CACNA1C: variants seen among roughly 807,000 people sequenced by gnomAD.
CACNA1C encodes the protein voltage-dependent L-type calcium channel subunit alpha-1C.
Under a neutral mutation model 229.0 loss-of-function variants are expected in CACNA1C, and 30 were observed. The observed-to-expected ratio is 0.13, with a 90% CI of 0.10 to 0.18. The LOEUF (loss-of-function observed/expected upper bound fraction) is 0.18. Ranked by LOEUF, CACNA1C falls within the 10% of genes least tolerant of loss-of-function variation. CACNA1C has a pLI of 1.00. For synonymous variants in CACNA1C, 1,114 were observed against 1,132.5 expected (o/e 0.98, Z 0.33); for missense variants, 1,658 against 2,845.0 (o/e 0.58, Z 9.49).
intron 29 of CACNA1C, among the ~76,000 whole-genome samples, chr12:2,624,207 T>G (rs2084981406): frequency 6.6e-6 from 1 of 152,240 alleles, no homozygotes; most frequent in Admixed American, 6.5e-5. Context: ...AACACAGTTC[T>G]GGAAATCTGT....
At chr12:2,682,513 C>A in intron 42 of CACNA1C, 37 bp from the exon 43 acceptor site, 3 of 1,602,956 alleles carry the variant, frequency 1.9e-6, no homozygotes, top group Non-Finnish European at 2.6e-6. Flanking sequence ...GGAAGGTTGG[C>A]AGTTTCTGAT....
chr12:2,301,591 A>C (rs958498331), intron 3 of CACNA1C, among the ~76,000 whole-genome samples: 4 of 152,234 alleles, frequency 2.6e-5, no homozygotes, highest in African/African-American at 9.6e-5. Flanking sequence ...GTCCTGCAGA[A>C]GAAGTCCTCT....
chr12:2,505,237 C>G (rs1405727035), intron 8 of CACNA1C, among the ~76,000 whole-genome samples: 4 of 151,986 alleles, frequency 2.6e-5, no homozygotes, highest in African/African-American at 9.7e-5. Context: ...CTTGTGCCTT[C>G]GTGGCCTCTG....
intron 3 of CACNA1C, among the ~76,000 whole-genome samples, chr12:2,421,453 G>A (rs1273847328): frequency 6.6e-6 from 1 of 152,166 alleles, no homozygotes; most frequent in Non-Finnish European, 1.5e-5. Flanking sequence ...GATTCACCAT[G>A]GGAAAGAGAG....
At chr12:2,151,412 G>T (rs1427420680) in intron 3 of CACNA1C, among the ~76,000 whole-genome samples, 3 of 151,738 alleles carry the variant, frequency 2.0e-5, no homozygotes, top group African/African-American at 7.3e-5. Context: ...GTCTGACTGA[G>T]GAGCCATTTT....
rs955863245 is a variant in CACNA1C at position 2,575,542 on chromosome 12, A to G, written c.1896-6048A>G. ...GCCAATTCTCACTCCTCTTCACTCC[A>G]TTGCCTCCCATGAAGCCCCAGCCAC... On this transcript the variant is annotated intron_variant, in intron 13 of 46. Transcript: ENST00000399655. This position sits in a 1 kb window ranked among gnomAD's most constrained non-coding sequence, Gnocchi z 4.0. 1.3e-4 allele frequency among the ~76,000 whole-genome samples: 19 copies of G among 151,988 alleles called. No individual in the cohort carries two copies. Among genetic ancestry groups the G allele is most frequent in the Non-Finnish European group, 1.8e-4 (12 of 68,016 alleles).
rs1231997837 is a variant in CACNA1C at position 2,409,102 on chromosome 12, A to G, written c.478-39874A>G. Among the ~76,000 whole-genome samples, 3 of 151,860 alleles carry G rather than the reference A, an allele frequency of 2.0e-5. No homozygotes were observed. In the South Asian group the frequency reaches 6.2e-4, roughly 32 times the overall value. On this transcript the variant is annotated intron_variant, in intron 3 of 46. Coordinates refer to ENST00000399655, the MANE Select transcript of CACNA1C (RefSeq NM_000719.7). ...CAGCTCGTGGCTCTGTTCCTTTTAC[A>G]CTCTTGTTAGCACATGTGATCATAC...
chr12:2,072,761 T>C (rs576302075), intron 1 of CACNA1C, among the ~76,000 whole-genome samples: 40 of 152,236 alleles, frequency 2.6e-4, no homozygotes, highest in African/African-American at 9.4e-4. Context: ...ATATGTCAGG[T>C]ATATTAGGCT....
intron 43 of CACNA1C, 112 bp downstream of exon 43, chr12:2,682,790 G>T (rs747650246): frequency 3.0e-5 from 30 of 1,006,032 alleles, no homozygotes; most frequent in African/African-American, 4.0e-5. Flanking sequence ...GAGGAGAGGA[G>T]ATCACAGAGA....
chr12:2,526,003 G>A (rs1300001302), intron 9 of CACNA1C, among the ~76,000 whole-genome samples: 1 of 152,200 alleles, frequency 6.6e-6, no homozygotes, highest in Non-Finnish European at 1.5e-5. Context: ...GAGATAGATG[G>A]AATTCTTCAA....
intron 1 of CACNA1C, among the ~76,000 whole-genome samples, chr12:2,084,013 A>G (rs2066641193): frequency 1.3e-5 from 2 of 152,224 alleles, no homozygotes; most frequent in Middle Eastern, 3.2e-3. Flanking sequence ...ATTATTCTAT[A>G]TATATAAAGG....
At chr12:2,120,679 TGTGTGTGTGTGTG>T (rs2086226416) in intron 3 of CACNA1C, among the ~76,000 whole-genome samples, 1 of 151,244 alleles carries the variant, frequency 6.6e-6, no homozygotes, top group Non-Finnish European at 1.5e-5. Context: ...TGTGTGTGTG[TGTGTGTGTGTGTG>T]TGTGTTTAGT....
chr12:2,537,216 C>T (rs569811917), intron 9 of CACNA1C, among the ~76,000 whole-genome samples: 1 of 152,216 alleles, frequency 6.6e-6, no homozygotes, highest in Non-Finnish European at 1.5e-5. Flanking sequence ...TAGGAAAAGG[C>T]TTTATAAATT....
chr12:2,518,925 T>A (rs1021597963), intron 9 of CACNA1C, among the ~76,000 whole-genome samples: 1 of 152,210 alleles, frequency 6.6e-6, no homozygotes, highest in Non-Finnish European at 1.5e-5. Context: ...GGAAAGTTGC[T>A]GGAGAGATCA....
upstream of CACNA1C, chr12:2,052,956 G>A (rs1333027674): frequency 1.0e-6 from 1 of 979,098 alleles, no homozygotes; most frequent in Non-Finnish European, 1.2e-6. Context: ...TGGGCCGGGG[G>A]GAGTGAGCGC....
intron 21 of CACNA1C, among the ~76,000 whole-genome samples, chr12:2,599,400 G>C (rs1332803603): frequency 6.6e-6 from 1 of 152,168 alleles, no homozygotes; most frequent in African/African-American, 2.4e-5. Context: ...GGAAATGTTT[G>C]GCCTTAAAAA....
chr12:2,567,881 A>G, intron 13 of CACNA1C, 87 bp downstream of exon 13: 1 of 735,942 alleles, frequency 1.4e-6, no homozygotes, highest in Middle Eastern at 2.4e-4. Context: ...CCTGGGTGGG[A>G]GGGGGGCTGT....
chr12:2,522,559 T>C (rs973267590), intron 9 of CACNA1C, among the ~76,000 whole-genome samples: 2 of 152,242 alleles, frequency 1.3e-5, no homozygotes, highest in African/African-American at 4.8e-5. Flanking sequence ...TAGAATTATA[T>C]AGTCCCAGGA....
chr12:2,524,141 T>A (rs1017086191), intron 9 of CACNA1C, among the ~76,000 whole-genome samples: 4 of 152,130 alleles, frequency 2.6e-5, no homozygotes, highest in African/African-American at 9.7e-5. Context: ...AGTGGAAAGG[T>A]CACAGAAAGT....
Sources: allele counts gnomAD v4.1 joint callset (sites outside exome capture counted in the v4.1 genomes callset), GRCh38; gene constraint gnomAD v4.1.1; non-coding constraint Gnocchi (gnomAD v3.1); transcripts MANE v1.5; gene names NCBI Gene and HGNC (gene_info 2026-07-23, HGNC 2026-07-21).